The following TNIK variants were observed in gnomAD, a reference collection of about 807,000 sequenced individuals.
TNIK encodes TRAF2 and NCK interacting kinase, also known as TRAF2 and NCK-interacting protein kinase.
TNIK carries 49 observed loss-of-function variants against 191.3 expected under a neutral mutation model. The ratio of observed to expected loss-of-function variants is 0.26; its 90% CI spans 0.20 to 0.32. TNIK has a LOEUF of 0.32. TNIK is among the 10% of genes least tolerant of loss of function. TNIK has a pLI of 1.00. For synonymous variants in TNIK, 594 were observed against 600.9 expected (o/e 0.99, Z 0.17); for missense variants, 1,155 against 1,702.3 (o/e 0.68, Z 5.66).
intron 2 of TNIK, among the ~76,000 whole-genome samples, chr3:171,345,366 A>G (rs974067557): frequency 1.3e-5 from 2 of 152,122 alleles, no homozygotes; most frequent in African/African-American, 4.8e-5. Context: ...GAAGGACTCA[A>G]TGCAAGAGCA....
intron 2 of TNIK, among the ~76,000 whole-genome samples, chr3:171,348,886 C>T (rs1028505403): frequency 5.3e-5 from 8 of 151,964 alleles, no homozygotes; most frequent in Non-Finnish European, 1.2e-4. Context: ...AAAGTATGTA[C>T]TATATTTTTA....
Position 171,084,306 on chromosome 3 carries a change from A to T in TNIK, c.3018T>A (p.Leu1006=), listed in dbSNP as rs1365096780. Residue 1006 remains leucine (L), a synonymous_variant, in exon 26 of 33, where the codon CTT becomes CTA. Coordinates refer to ENST00000436636, the MANE Select transcript of TNIK (RefSeq NM_015028.4). ...SSAAALFTSE[L]LRQEQAKLNE... ...TGAGTTTGGCCTGTTCTTGCCTAAG[A>T]AGTTCGCTAGTAAACAGAGCTTTGA... is the stretch of plus-strand genomic sequence containing the variant. The T allele has an allele frequency of 6.2e-7, 1 of 1,613,470 alleles. No individual in the cohort carries two copies. Among genetic ancestry groups the T allele is most frequent in the Admixed American group, 1.7e-5 (1 of 60,004 alleles).
Position 171,369,611 on chromosome 3 carries a change from T to A in TNIK, c.123+9A>T. 6.4e-7 allele frequency: 1 copy of A among 1,568,210 alleles called. No individual in the cohort carries two copies. The highest frequency in any genetic ancestry group is 8.7e-7 in the Non-Finnish European group (1 of 1,155,186). On this transcript the variant is annotated intron_variant, in intron 2 of 32. Coordinates refer to ENST00000436636, the MANE Select transcript of TNIK (RefSeq NM_015028.4). ...GTACATAAGCCACTCTCAGACTCAATGTACTTACCTTATAAACTTGCCCGT... is the reference window on the plus strand; with the variant it reads ...GTACATAAGCCACTCTCAGACTCAAAGTACTTACCTTATAAACTTGCCCGT...
intron 2 of TNIK, among the ~76,000 whole-genome samples, chr3:171,330,898 G>GT (rs1398210350): frequency 6.6e-6 from 1 of 152,196 alleles, no homozygotes; most frequent in Non-Finnish European, 1.5e-5. Context: ...TAAATGCCAA[G>GT]TGAGTGGATG....
At chr3:171,424,509 T>G (rs992933206) in intron 1 of TNIK, among the ~76,000 whole-genome samples, 10 of 152,272 alleles carry the variant, frequency 6.6e-5, no homozygotes, top group African/African-American at 2.4e-4. Flanking sequence ...GTATAAAACA[T>G]GCTGTTATAA....
intron 1 of TNIK, among the ~76,000 whole-genome samples, chr3:171,411,623 C>T (rs1399365057): frequency 1.3e-5 from 2 of 152,172 alleles, no homozygotes; most frequent in Non-Finnish European, 2.9e-5. Context: ...GATAATTATG[C>T]AGTCCTGGAC....
intron 4 of TNIK, among the ~76,000 whole-genome samples, chr3:171,198,101 C>T (rs1369483940): frequency 6.6e-6 from 1 of 152,082 alleles, no homozygotes; most frequent in South Asian, 2.1e-4. Context: ...GAATGAAATA[C>T]TGATGCATGA....
chr3:171,305,042 G>C (rs1436875583), intron 2 of TNIK, among the ~76,000 whole-genome samples: 1 of 124,904 alleles, frequency 8.0e-6, no homozygotes, highest in African/African-American at 2.9e-5. Context: ...GAAAATCTCT[G>C]CCACAGGGAA....
chr3:171,190,590 A>G (rs535366093), intron 6 of TNIK, 107 bp downstream of exon 6: 30 of 816,582 alleles, frequency 3.7e-5, no homozygotes, highest in South Asian at 1.1e-4. Flanking sequence ...TTTTTAGGGC[A>G]ATGCTCTCCA....
At position 171,140,328 on chromosome 3, in the gene TNIK, C is replaced by T. The variant is rs572584398; in HGVS notation, c.1332+71G>A. The T allele has an allele frequency of 7.1e-5, 92 of 1,288,032 alleles. No homozygotes were observed. In the East Asian group the frequency reaches 1.4e-3, roughly 20 times the overall value. 79.8% of individuals were successfully genotyped at this position (1,288,032 alleles called of 1,614,324 possible). A position where few individuals can be genotyped will look rare whatever the true frequency, so the allele number is the denominator to read the frequency against. On this transcript the variant is annotated intron_variant, in intron 13 of 32. Coordinates refer to ENST00000436636, the MANE Select transcript of TNIK (RefSeq NM_015028.4). ...CTGAGCATTCCTCAGAAAAGGTGAC[C>T]CACACCCCAGAGAAGGCTGGTGCTG... is the stretch of plus-strand genomic sequence containing the variant.
At chr3:171,143,123 C>T (rs1054554365) in intron 12 of TNIK, among the ~76,000 whole-genome samples, 9 of 152,174 alleles carry the variant, frequency 5.9e-5, no homozygotes, top group Non-Finnish European at 7.3e-5. Flanking sequence ...TGATCTCACT[C>T]GGATCAGCAG....
intron 2 of TNIK, among the ~76,000 whole-genome samples, chr3:171,253,588 G>GT (rs1553871323): frequency 5.1e-5 from 7 of 137,208 alleles, no homozygotes; most frequent in African/African-American, 1.0e-4. Context: ...CAGAAGACAG[G>GT]TCCCCCCCCC....
intron 2 of TNIK, among the ~76,000 whole-genome samples, chr3:171,262,934 C>T (rs1351245920): frequency 6.6e-6 from 1 of 152,110 alleles, no homozygotes; most frequent in Non-Finnish European, 1.5e-5. Flanking sequence ...AAAATTTTCC[C>T]TTCTGATGAA....
chr3:171,333,951 C>A (rs1756688760), intron 2 of TNIK, among the ~76,000 whole-genome samples: 1 of 152,192 alleles, frequency 6.6e-6, no homozygotes, highest in Non-Finnish European at 1.5e-5. Flanking sequence ...ACCCAGGAGC[C>A]TGTTCCAGGA....
intron 2 of TNIK, among the ~76,000 whole-genome samples, chr3:171,307,458 A>T (rs1753576120): frequency 6.6e-6 from 1 of 152,170 alleles, no homozygotes; most frequent in South Asian, 2.1e-4. Context: ...CATTCTCTTC[A>T]TTCATTTGAC....
intron 1 of TNIK, among the ~76,000 whole-genome samples, chr3:171,444,921 C>A (rs935718775): frequency 6.6e-6 from 1 of 151,934 alleles, no homozygotes; most frequent in Non-Finnish European, 1.5e-5. Context: ...CGCCATGTTG[C>A]CCAGGCTGAT....
At chr3:171,235,519 G>A (rs1744157775) in intron 2 of TNIK, among the ~76,000 whole-genome samples, 1 of 151,994 alleles carries the variant, frequency 6.6e-6, no homozygotes, top group Non-Finnish European at 1.5e-5. Flanking sequence ...ATGGCACCTG[G>A]GGCTATAAAC....
chr3:171,304,686 A>T (rs1366255080), intron 2 of TNIK, among the ~76,000 whole-genome samples: 2 of 152,182 alleles, frequency 1.3e-5, no homozygotes, highest in Non-Finnish European at 2.9e-5. Context: ...AGCCATAAAA[A>T]ATGATGAGTT....
intron 2 of TNIK, among the ~76,000 whole-genome samples, chr3:171,348,419 G>T (rs1054380195): frequency 6.6e-6 from 1 of 152,000 alleles, no homozygotes. Flanking sequence ...CACCACCACC[G>T]AGTGAAGCCT....
Sources: gnomAD v4.1 joint callset for allele counts (sites outside exome capture counted in the v4.1 genomes callset) on GRCh38, gnomAD v4.1.1 for gene constraint, MANE v1.5 for transcripts, NCBI Gene and HGNC (gene_info 2026-07-23, HGNC 2026-07-21) for gene names.